The following CSMD1 variants were observed in gnomAD, a reference collection of about 807,000 sequenced individuals.
CSMD1 encodes CUB and Sushi multiple domains 1.
Under a neutral mutation model 417.5 loss-of-function variants are expected in CSMD1, and 213 were observed. The ratio of observed to expected loss-of-function variants is 0.51; its 90% CI spans 0.46 to 0.57. CSMD1 has a LOEUF of 0.57. Ranked by LOEUF, CSMD1 falls within the 20% of genes least tolerant of loss-of-function variation. The probability of loss-of-function intolerance (pLI) is 0.00; values close to 1 mark genes in which losing one functional copy is unlikely to be tolerated. For missense variants in CSMD1, 6,923 were observed against 4,529.7 expected (o/e 1.53, Z -15.17); for synonymous variants, 2,862 against 1,736.8 (o/e 1.65, Z -16.11).
intron 6 of CSMD1, among the ~76,000 whole-genome samples, chr8:3,720,527 T>C (rs553636607): frequency 6.6e-6 from 1 of 152,068 alleles, no homozygotes; most frequent in African/African-American, 2.4e-5. Context: ...AGACCTTTTG[T>C]TGTCTCAACA....
chr8:4,408,770 G>A (rs984927886), intron 3 of CSMD1, among the ~76,000 whole-genome samples: 1 of 152,124 alleles, frequency 6.6e-6, no homozygotes, highest in African/African-American at 2.4e-5. Flanking sequence ...GAGGCCATCA[G>A]CTGCCATTTT....
chr8:4,466,545 A>G (rs1243525476), intron 2 of CSMD1, among the ~76,000 whole-genome samples: 1 of 152,222 alleles, frequency 6.6e-6, no homozygotes, highest in Non-Finnish European at 1.5e-5. Flanking sequence ...TTGGAAAACC[A>G]TGAGCAAAAA....
At chr8:3,176,319 G>A (rs900115138) in intron 37 of CSMD1, among the ~76,000 whole-genome samples, 1 of 151,906 alleles carries the variant, frequency 6.6e-6, no homozygotes, top group Admixed American at 6.5e-5. Context: ...ATTTAATTCT[G>A]TAATTTATCT....
At chr8:4,011,515 C>T (rs1023780491) in intron 4 of CSMD1, among the ~76,000 whole-genome samples, 8 of 152,206 alleles carry the variant, frequency 5.3e-5, no homozygotes, top group African/African-American at 1.7e-4. Flanking sequence ...AGAGTTTCAC[C>T]CTCCTGGGTT....
chr8:3,048,746 A>T (rs1811622349), intron 50 of CSMD1, among the ~76,000 whole-genome samples: 2 of 151,758 alleles, frequency 1.3e-5, no homozygotes, highest in South Asian at 4.1e-4. Flanking sequence ...ACTTCATTAA[A>T]ATTAAAGTCC....
chr8:3,732,283 G>A (rs1052817749), intron 6 of CSMD1, among the ~76,000 whole-genome samples: 1 of 152,158 alleles, frequency 6.6e-6, no homozygotes, highest in Non-Finnish European at 1.5e-5. Flanking sequence ...CTTTAGAAAG[G>A]CTTAAAATCT....
intron 50 of CSMD1, among the ~76,000 whole-genome samples, chr8:3,047,029 G>A (rs1585221743): frequency 6.6e-6 from 1 of 152,004 alleles, no homozygotes; most frequent in Non-Finnish European, 1.5e-5. Flanking sequence ...CCAACATGGT[G>A]AAACCCTGTC....
chr8:2,996,639 A>G (rs1385612096), intron 54 of CSMD1, among the ~76,000 whole-genome samples: 1 of 152,196 alleles, frequency 6.6e-6, no homozygotes, highest in Non-Finnish European at 1.5e-5. Flanking sequence ...TTCCTAAAAC[A>G]CCACTGCACA....
intron 5 of CSMD1, among the ~76,000 whole-genome samples, chr8:3,899,695 C>T (rs544858563): frequency 1.8e-4 from 28 of 152,224 alleles, no homozygotes; most frequent in African/African-American, 5.5e-4. Context: ...CTAAATATGA[C>T]AAATAACTGA....
chr8:4,974,769 GC>G (rs1810448986), intron 1 of CSMD1, among the ~76,000 whole-genome samples: 1 of 152,178 alleles, frequency 6.6e-6, no homozygotes, highest in South Asian at 2.1e-4. Context: ...GATTTTTTGA[GC>G]CTCAAATCTT....
chr8:3,002,425 C>T (rs1807489113), intron 52 of CSMD1, among the ~76,000 whole-genome samples: 1 of 152,166 alleles, frequency 6.6e-6, no homozygotes, highest in African/African-American at 2.4e-5. Context: ...GAGATCCCAG[C>T]CATTTCTGAG....
chr8:4,078,518 C>T (rs1799950295), intron 3 of CSMD1, among the ~76,000 whole-genome samples: 1 of 151,770 alleles, frequency 6.6e-6, no homozygotes, highest in African/African-American at 2.4e-5. Flanking sequence ...CCCACCTCGG[C>T]CTCCCAAAGT....
chr8:4,688,739 G>T (rs894915696), intron 1 of CSMD1, among the ~76,000 whole-genome samples: 1 of 152,122 alleles, frequency 6.6e-6, no homozygotes, highest in Admixed American at 6.5e-5. Context: ...ACCTCATGCA[G>T]TGAGTCAATT....
intron 3 of CSMD1, among the ~76,000 whole-genome samples, chr8:4,376,323 G>A (rs931917432): frequency 2.0e-5 from 3 of 152,160 alleles, no homozygotes; most frequent in Admixed American, 6.5e-5. Context: ...ACATTTTCAA[G>A]AAGAGAATAA....
At chr8:4,223,099 C>A (rs538595160) in intron 3 of CSMD1, among the ~76,000 whole-genome samples, 15 of 152,050 alleles carry the variant, frequency 9.9e-5, no homozygotes, top group African/African-American at 3.1e-4. Flanking sequence ...CCGCCCTGCC[C>A]TGAGCATCTG....
intron 1 of CSMD1, among the ~76,000 whole-genome samples, chr8:4,695,547 G>A (rs1807072807): frequency 6.6e-6 from 1 of 152,098 alleles, no homozygotes; most frequent in African/African-American, 2.4e-5. Context: ...TAAGTTCACA[G>A]AAAAATGAAG....
In CSMD1 at chr8:3,188,843, C is replaced by T. The variant is rs565343289; in HGVS notation, c.5523+44G>A. 2.1e-6 allele frequency: 3 copies of T among 1,443,926 alleles called. No individual in the cohort carries two copies. In the African/African-American group the frequency reaches 4.3e-5, roughly 21 times the overall value. 89.4% of individuals were successfully genotyped at this position (1,443,926 alleles called of 1,614,324 possible). On this transcript the variant is annotated intron_variant, in intron 35 of 69. Transcript: ENST00000635120. ...AGAATGAAAGAAAGAAGCCCATGGACCCCAGCTGAGCCCTGTTGTAGACTG... is the reference window on the plus strand; with the variant it reads ...AGAATGAAAGAAAGAAGCCCATGGATCCCAGCTGAGCCCTGTTGTAGACTG...
At chr8:4,123,047 G>C (rs148885047) in intron 3 of CSMD1, among the ~76,000 whole-genome samples, 1 of 152,314 alleles carries the variant, frequency 6.6e-6, no homozygotes, top group East Asian at 1.9e-4. Flanking sequence ...ATTTTTCTGT[G>C]TTTAATTATT....
chr8:4,607,392 A>G (rs1317371602), intron 2 of CSMD1, among the ~76,000 whole-genome samples: 17 of 152,130 alleles, frequency 1.1e-4, no homozygotes, highest in Admixed American at 9.2e-4. Context: ...GTTGCTGGAG[A>G]ATAGAAAATT....
Sources: allele counts gnomAD v4.1 joint callset (sites outside exome capture counted in the v4.1 genomes callset), GRCh38; gene constraint gnomAD v4.1.1; transcripts MANE v1.5; gene names NCBI Gene and HGNC (gene_info 2026-07-23, HGNC 2026-07-21).